NUBPL: variants seen among roughly 807,000 people sequenced by gnomAD.
NUBPL encodes the protein iron-sulfur cluster transfer protein NUBPL.
NUBPL carries 31 observed loss-of-function variants against 45.7 expected under a neutral mutation model. The ratio of observed to expected loss-of-function variants is 0.68; its 90% CI spans 0.51 to 0.92. The LOEUF is 0.92. Among genes scored for constraint, NUBPL ranks in the 40% least tolerant of loss-of-function variants. The probability of loss-of-function intolerance (pLI) is 0.00; values close to 1 mark genes in which losing one functional copy is unlikely to be tolerated. For missense variants in NUBPL, 401 were observed against 398.7 expected (o/e 1.01, Z -0.05); for synonymous variants, 144 against 140.9 (o/e 1.02, Z -0.15).
chr14:31,741,894 C>T (rs2038292180), intron 6 of NUBPL, among the ~76,000 whole-genome samples: 1 of 152,036 alleles, frequency 6.6e-6, no homozygotes, highest in Admixed American at 6.6e-5. Context: ...AGTTTTTTAC[C>T]TGTTAGGACA....
chr14:31,658,137 CA>C (rs2036184680), intron 4 of NUBPL, among the ~76,000 whole-genome samples: 1 of 152,118 alleles, frequency 6.6e-6, no homozygotes, highest in African/African-American at 2.4e-5. Context: ...CATCTTCAAG[CA>C]ATAGAAAGAA....
At chr14:31,760,126 A>AGTGTGTGTGTGTGTGT (rs147699444) in intron 6 of NUBPL, among the ~76,000 whole-genome samples, 614 of 29,760 alleles carry the variant, frequency 0.021, 95 homozygotes, top group East Asian at 0.035. Flanking sequence ...TTCTGACTTT[A>AGTGTGTGTGTGTGTGT]GTGTGTGTGT....
intron 4 of NUBPL, among the ~76,000 whole-genome samples, chr14:31,601,762 G>C (rs1474054584): frequency 6.6e-6 from 1 of 152,162 alleles, no homozygotes; most frequent in Admixed American, 6.5e-5. Flanking sequence ...AGGATGTGGA[G>C]AAATAGGAAC....
chr14:31,826,336 G>A (rs2040103252), intron 7 of NUBPL, among the ~76,000 whole-genome samples: 1 of 151,954 alleles, frequency 6.6e-6, no homozygotes, highest in South Asian at 2.1e-4. Context: ...AGCCAGGCTG[G>A]TCTTGAACTC....
At chr14:31,850,619 T>G (rs1333774591) in intron 10 of NUBPL, among the ~76,000 whole-genome samples, 2 of 151,930 alleles carry the variant, frequency 1.3e-5, no homozygotes, top group Non-Finnish European at 1.5e-5. Flanking sequence ...GGTGGGATTT[T>G]TTTTTCTTTC....
chr14:31,634,940 G>GT (rs932146825), intron 4 of NUBPL, among the ~76,000 whole-genome samples: 3 of 141,296 alleles, frequency 2.1e-5, no homozygotes, highest in Non-Finnish European at 1.5e-5. Context: ...GGGGTTGTTT[G>GT]TTTTTTTCTT....
At chr14:31,848,957 C>G (rs1330539352) in intron 9 of NUBPL, among the ~76,000 whole-genome samples, 1 of 152,120 alleles carries the variant, frequency 6.6e-6, no homozygotes, top group Non-Finnish European at 1.5e-5. Context: ...AACATTTTTG[C>G]TGCTTGCTCC....
intron 6 of NUBPL, among the ~76,000 whole-genome samples, chr14:31,726,610 C>T (rs963664611): frequency 6.6e-6 from 1 of 152,084 alleles, no homozygotes; most frequent in Non-Finnish European, 1.5e-5. Flanking sequence ...TCTGGGGGAC[C>T]ACAGTATCCT....
At chr14:31,606,910 G>A (rs1280259465) in intron 4 of NUBPL, among the ~76,000 whole-genome samples, 1 of 152,152 alleles carries the variant, frequency 6.6e-6, no homozygotes, top group Non-Finnish European at 1.5e-5. Flanking sequence ...TTATTTATTT[G>A]TTGTTCTGGC....
rs115775623 is a variant in NUBPL at position 31,823,992 on chromosome 14, G to A, written c.608-2637G>A. The stretch of plus-strand genomic sequence containing the variant: ...AAAATAGAAGGCTGTAGGGATCCAT[G>A]GAACAATTTGAAAAGTAGGATGAGC... On this transcript the variant is annotated intron_variant, in intron 7 of 10. Transcript: ENST00000281081. Among the ~76,000 whole-genome samples, 338 of 152,070 alleles carry A rather than the reference G, an allele frequency of 2.2e-3. 3 individuals are homozygous for A. The highest frequency in any genetic ancestry group is 7.7e-3 in the African/African-American group (320 of 41,514).
At chr14:31,774,592 A>G (rs1439636188) in intron 6 of NUBPL, among the ~76,000 whole-genome samples, 1 of 152,190 alleles carries the variant, frequency 6.6e-6, no homozygotes, top group Non-Finnish European at 1.5e-5. Flanking sequence ...AAAAAGACAA[A>G]TTACCTTATC....
intron 3 of NUBPL, among the ~76,000 whole-genome samples, chr14:31,574,199 C>G (rs1462655048): frequency 1.3e-5 from 2 of 152,088 alleles, no homozygotes; most frequent in African/African-American, 4.8e-5. Context: ...TTTAGTATTG[C>G]TAGCTAAATA....
At chr14:31,719,059 C>T (rs966068672) in intron 6 of NUBPL, among the ~76,000 whole-genome samples, 2 of 152,134 alleles carry the variant, frequency 1.3e-5, no homozygotes, top group African/African-American at 2.4e-5. Context: ...CCACATTAAA[C>T]GTGGTCTGAA....
At chr14:31,563,226 A>G (rs949535763) in intron 2 of NUBPL, among the ~76,000 whole-genome samples, 27 of 152,110 alleles carry the variant, frequency 1.8e-4, no homozygotes, top group African/African-American at 6.0e-4. Context: ...ATCCTTTTGC[A>G]TGCTCTGTGA....
At chr14:31,613,838 T>G (rs985615373) in intron 4 of NUBPL, among the ~76,000 whole-genome samples, 1 of 152,076 alleles carries the variant, frequency 6.6e-6, no homozygotes, top group Non-Finnish European at 1.5e-5. Context: ...ACACATTGTA[T>G]GCCTATATCA....
intron 6 of NUBPL, among the ~76,000 whole-genome samples, chr14:31,765,930 C>G (rs1370259491): frequency 6.6e-6 from 1 of 152,108 alleles, no homozygotes; most frequent in African/African-American, 2.4e-5. Flanking sequence ...AAGGATCTTA[C>G]AGCTTTAGTT....
intron 6 of NUBPL, among the ~76,000 whole-genome samples, chr14:31,691,673 C>T (rs2037097039): frequency 6.6e-6 from 1 of 152,058 alleles, no homozygotes; most frequent in Non-Finnish European, 1.5e-5. Flanking sequence ...TATGTTTAGC[C>T]CAGAGTGGCA....
At chr14:31,786,035 A>G (rs193221986) in intron 6 of NUBPL, among the ~76,000 whole-genome samples, 2 of 152,108 alleles carry the variant, frequency 1.3e-5, no homozygotes, top group African/African-American at 2.4e-5. Flanking sequence ...GCACACGTCT[A>G]TAGTCCCAGC....
At position 31,673,529 on chromosome 14, in the gene NUBPL, G is replaced by A. The variant is rs1172076666; in HGVS notation, c.468G>A (p.Trp156Ter). 6.2e-7 allele frequency: 1 copy of A among 1,613,960 alleles called. No homozygotes were observed. The highest frequency in any genetic ancestry group is 8.5e-7 in the Non-Finnish European group (1 of 1,179,920). The change falls in exon 6 of 11, where the codon TGG becomes TGA. Residue 156 changes from tryptophan (W) to a stop codon, truncating the protein, a stop_gained. Coordinates refer to ENST00000281081, the MANE Select transcript of NUBPL (RefSeq NM_025152.3). LOFTEE classifies it high-confidence loss of function. ...TTGAAGAAAGTGAACCAGTAGTTTGGAGAGGCCTTATGGTAATGTCGGCCA... is the reference window on the plus strand; with the variant it reads ...TTGAAGAAAGTGAACCAGTAGTTTGAAGAGGCCTTATGGTAATGTCGGCCA... ...FLVEESEPVV[W>*]RGLMVMSAIE...
Sources: gnomAD v4.1 joint callset for allele counts (sites outside exome capture counted in the v4.1 genomes callset) on GRCh38, gnomAD v4.1.1 for gene constraint, MANE v1.5 for transcripts, NCBI Gene and HGNC (gene_info 2026-07-23, HGNC 2026-07-21) for gene names.